The following LRRC18 variants were observed in gnomAD, a reference collection of about 807,000 sequenced individuals.
The protein encoded by LRRC18 is leucine rich repeat containing 18, also known as leucine-rich repeat-containing protein 18.
LRRC18 carries 12 observed loss-of-function variants against 11.2 expected under a neutral mutation model. The ratio of observed to expected loss-of-function variants is 1.07; its 90% CI spans 0.69 to 1.74. The LOEUF is 1.74. Ranked by LOEUF, LRRC18 falls within the 40% of genes most tolerant of loss-of-function variation. The pLI is 0.00. For synonymous variants in LRRC18, 155 were observed against 130.6 expected (o/e 1.19, Z -1.27); for missense variants, 374 against 330.5 (o/e 1.13, Z -1.02).
upstream of LRRC18, among the ~76,000 whole-genome samples, chr10:48,917,056 T>A (rs1838615588): frequency 1.3e-5 from 2 of 152,176 alleles, no homozygotes; most frequent in African/African-American, 4.8e-5. Flanking sequence ...CAATTGCCTA[T>A]AGTGTTTAGT....
At chr10:48,925,998 G>T in the LRRC18 span, among the ~76,000 whole-genome samples, 1 of 152,164 alleles carries the variant, frequency 6.6e-6, no homozygotes, top group Non-Finnish European at 1.5e-5. Flanking sequence ...AGGCAGCAAA[G>T]AATACAGCCA....
At chr10:48,928,997 T>C in the LRRC18 span, among the ~76,000 whole-genome samples, 4 of 152,098 alleles carry the variant, frequency 2.6e-5, no homozygotes, top group African/African-American at 9.7e-5. Flanking sequence ...ACAGGTGTGA[T>C]GGATGTTAGG....
chr10:48,914,551 A>G (rs2377652), upstream of LRRC18, among the ~76,000 whole-genome samples: 62,418 of 152,036 alleles, frequency 0.41, 13,190 homozygotes, highest in East Asian at 0.74. Context: ...ACCCAGAGCC[A>G]TGTGTGTGTG....
At chr10:48,928,728 T>C in the LRRC18 span, among the ~76,000 whole-genome samples, 7 of 152,194 alleles carry the variant, frequency 4.6e-5, no homozygotes, top group Admixed American at 2.0e-4. Context: ...GAGCACCCCA[T>C]CTGCCGCAGG....
the LRRC18 span, among the ~76,000 whole-genome samples, chr10:48,938,970 G>A: frequency 6.6e-5 from 10 of 152,164 alleles, no homozygotes; most frequent in Non-Finnish European, 1.5e-5. Context: ...AATCCTCACT[G>A]GCTTCATTCG....
the LRRC18 span, among the ~76,000 whole-genome samples, chr10:48,922,953 T>C: frequency 2.0e-5 from 3 of 152,236 alleles, no homozygotes; most frequent in Non-Finnish European, 4.4e-5. Context: ...GCCTGCACCC[T>C]GACAGTGATG....
chr10:48,928,407 T>TGTG, the LRRC18 span, among the ~76,000 whole-genome samples: 2 of 123,310 alleles, frequency 1.6e-5, no homozygotes, highest in Non-Finnish European at 1.7e-5. Flanking sequence ...TTGGTGGGGG[T>TGTG]TGGCACAGGA....
At chr10:48,914,002 T>C (rs2133505292) in exon 1 of LRRC18, 1 of 1,614,206 alleles carries the variant, frequency 6.2e-7, no homozygotes, top group Non-Finnish European at 8.5e-7. Flanking sequence ...AGCTCGTCCA[T>C]GTCACTAAGG....
the LRRC18 span, among the ~76,000 whole-genome samples, chr10:48,923,213 C>T: frequency 1.2e-4 from 19 of 152,158 alleles, 1 homozygote; most frequent in African/African-American, 4.6e-4. Context: ...AGCATCTGGG[C>T]ACCACTGTGG....
the LRRC18 span, among the ~76,000 whole-genome samples, chr10:48,929,059 G>A: frequency 3.9e-5 from 6 of 152,316 alleles, no homozygotes; most frequent in African/African-American, 1.4e-4. Flanking sequence ...AGAGTTGGAA[G>A]ATGCGCTTTT....
chr10:48,916,391 C>T (rs900790368), upstream of LRRC18, among the ~76,000 whole-genome samples: 31 of 150,766 alleles, frequency 2.1e-4, no homozygotes, highest in Non-Finnish European at 4.2e-4. Flanking sequence ...TGTTTGTTTG[C>T]TTGCTTGCTT....
At chr10:48,936,344 T>C in the LRRC18 span, among the ~76,000 whole-genome samples, 1 of 152,126 alleles carries the variant, frequency 6.6e-6, no homozygotes, top group East Asian at 1.9e-4. Context: ...TGAATGAAGA[T>C]GACTAGAAAA....
the LRRC18 span, among the ~76,000 whole-genome samples, chr10:48,935,918 T>G: frequency 2.0e-5 from 3 of 151,270 alleles, no homozygotes; most frequent in South Asian, 6.3e-4. Context: ...TTTTTTCAGT[T>G]TTTTTCTTAC....
chr10:48,928,914 C>T, the LRRC18 span, among the ~76,000 whole-genome samples: 1 of 152,214 alleles, frequency 6.6e-6, no homozygotes, highest in Non-Finnish European at 1.5e-5. Flanking sequence ...GAATGAGGCA[C>T]TGTTCCAGGC....
At chr10:48,922,752 C>A in the LRRC18 span, among the ~76,000 whole-genome samples, 1 of 152,220 alleles carries the variant, frequency 6.6e-6, no homozygotes, top group African/African-American at 2.4e-5. Flanking sequence ...CTTGGATGAA[C>A]CCTAAAGCAT....
At chr10:48,939,051 A>G in the LRRC18 span, among the ~76,000 whole-genome samples, 1 of 152,166 alleles carries the variant, frequency 6.6e-6, no homozygotes, top group Non-Finnish European at 1.5e-5. Flanking sequence ...AGCTCAATGC[A>G]GGCACCCAGC....
At chr10:48,915,423 T>TG (rs1308376853), upstream of LRRC18, among the ~76,000 whole-genome samples, 1 of 151,258 alleles carries the variant, frequency 6.6e-6, no homozygotes, top group African/African-American at 2.4e-5. Context: ...GCTGATTTTT[T>TG]TTTTTGGACC....
chr10:48,930,510 A>G, the LRRC18 span, among the ~76,000 whole-genome samples: 1 of 152,156 alleles, frequency 6.6e-6, no homozygotes, highest in Non-Finnish European at 1.5e-5. Flanking sequence ...GGCCAAGGGG[A>G]GAAGGATGGG....
the LRRC18 span, among the ~76,000 whole-genome samples, chr10:48,928,133 T>C: frequency 1.3e-5 from 2 of 152,242 alleles, no homozygotes; most frequent in East Asian, 3.9e-4. Context: ...CTCCCGCAGA[T>C]TAGGAAACTG....
Sources: allele counts gnomAD v4.1 joint callset (sites outside exome capture counted in the v4.1 genomes callset), GRCh38; gene constraint gnomAD v4.1.1; transcripts MANE v1.5; gene names NCBI Gene and HGNC (gene_info 2026-07-23, HGNC 2026-07-21).